The following COL14A1 variants were observed in gnomAD, a reference collection of about 807,000 sequenced individuals.
The protein encoded by COL14A1 is collagen type XIV alpha 1 chain.
Under a neutral mutation model 230.3 loss-of-function variants are expected in COL14A1, and 136 were observed. The observed-to-expected ratio is 0.59, with a 90% CI of 0.51 to 0.68. The LOEUF (loss-of-function observed/expected upper bound fraction) is 0.68. Among genes scored for constraint, COL14A1 ranks in the 30% least tolerant of loss-of-function variants. COL14A1 has a pLI of 0.00. For missense variants in COL14A1, 1,976 were observed against 2,215.8 expected, an observed-to-expected ratio of 0.89 and a Z score of 2.17; for synonymous variants, 792 against 784.1, an observed-to-expected ratio of 1.01 and a Z score of -0.17.
chr8:120,190,075 G>A (rs1400467733), intron 5 of COL14A1, among the ~76,000 whole-genome samples: 1 of 150,890 alleles, frequency 6.6e-6, no homozygotes, highest in Non-Finnish European at 1.5e-5. Context: ...CTTCCACAAT[G>A]GTTGAACTAG....
At chr8:120,282,747 A>G (rs1820076190) in intron 31 of COL14A1, among the ~76,000 whole-genome samples, 1 of 152,158 alleles carries the variant, frequency 6.6e-6, no homozygotes, top group African/African-American at 2.4e-5. Context: ...ATTAGTTGTT[A>G]GAAAGAGAGA....
chr8:120,354,540 A>G (rs920846418), intron 45 of COL14A1, among the ~76,000 whole-genome samples: 2 of 152,136 alleles, frequency 1.3e-5, no homozygotes, highest in Non-Finnish European at 2.9e-5. Context: ...TGTGATGTAC[A>G]TGGCTTTTCA....
At chr8:120,298,550 T>C (rs1820597968) in intron 35 of COL14A1, among the ~76,000 whole-genome samples, 2 of 143,778 alleles carry the variant, frequency 1.4e-5, no homozygotes, top group South Asian at 4.4e-4. Flanking sequence ...TTTATTCCTA[T>C]ATAAGCATAA....
intron 45 of COL14A1, among the ~76,000 whole-genome samples, chr8:120,357,112 C>G (rs1169270123): frequency 1.3e-5 from 2 of 152,186 alleles, no homozygotes; most frequent in Non-Finnish European, 2.9e-5. Context: ...TGGCTTAAAG[C>G]AACAAATATA....
intron 20 of COL14A1, among the ~76,000 whole-genome samples, chr8:120,246,644 A>G (rs1162689644): frequency 6.6e-6 from 1 of 152,222 alleles, no homozygotes; most frequent in Non-Finnish European, 1.5e-5. Flanking sequence ...TATTACAGAA[A>G]TGCCATTACG....
intron 5 of COL14A1, among the ~76,000 whole-genome samples, chr8:120,169,136 G>A (rs568552576): frequency 3.3e-5 from 5 of 152,256 alleles, no homozygotes; most frequent in South Asian, 2.1e-4. Flanking sequence ...GATTACAGGC[G>A]TGAGCCACTG....
intron 46 of COL14A1, among the ~76,000 whole-genome samples, chr8:120,368,623 A>C (rs1447759135): frequency 4.1e-5 from 6 of 146,912 alleles, no homozygotes; most frequent in Admixed American, 6.8e-5. Flanking sequence ...AAAAAAAAAA[A>C]CATGCTGACA....
chr8:120,333,410 G>A (rs563372874), intron 42 of COL14A1, among the ~76,000 whole-genome samples: 1 of 152,320 alleles, frequency 6.6e-6, no homozygotes, highest in South Asian at 2.1e-4. Flanking sequence ...CTGGTGACAT[G>A]CAAGTTGTTC....
chr8:120,272,512 A>G (rs761687301), intron 26 of COL14A1, among the ~76,000 whole-genome samples: 6 of 151,768 alleles, frequency 4.0e-5, no homozygotes, highest in Non-Finnish European at 8.9e-5. Flanking sequence ...GAATGGATAC[A>G]AAATCACAAA....
At chr8:120,291,299 C>A (rs565413444) in intron 34 of COL14A1, among the ~76,000 whole-genome samples, 20 of 152,124 alleles carry the variant, frequency 1.3e-4, no homozygotes, top group African/African-American at 4.8e-4. Context: ...CAGTGCCTCA[C>A]GCCTGTAATT....
Position 120,125,103 on chromosome 8 carries a change from C to T in COL14A1, c.-275C>T, listed in dbSNP as rs1005372360. The T allele has an allele frequency of 3.3e-5, 5 of 152,590 alleles. No homozygotes were observed. The highest frequency in any genetic ancestry group is 1.2e-4 in the African/African-American group (5 of 41,484). The allele number at this position is 152,590 out of a possible 1,614,324, so 9.5% of individuals were successfully genotyped here. Reference sequence around the variant, plus strand: ...TTGGCTGCCGGCGGGCCTTCCTTTCCTCTTATCTGATCCTGGGCTCCCAGC... The same window carrying T: ...TTGGCTGCCGGCGGGCCTTCCTTTCTTCTTATCTGATCCTGGGCTCCCAGC... On this transcript the variant is annotated 5_prime_UTR_variant, in exon 1 of 48. Coordinates refer to ENST00000297848, the MANE Select transcript of COL14A1 (RefSeq NM_021110.4).
intron 8 of COL14A1, among the ~76,000 whole-genome samples, chr8:120,201,359 G>T (rs570233795): frequency 6.6e-6 from 1 of 152,218 alleles, no homozygotes; most frequent in African/African-American, 2.4e-5. Flanking sequence ...GTTTGCAAGA[G>T]CCAATTGTGC....
intron 13 of COL14A1, 151 bp downstream of exon 13, chr8:120,212,728 A>G (rs952912508): frequency 2.4e-5 from 19 of 803,950 alleles, no homozygotes; most frequent in South Asian, 4.1e-5. Flanking sequence ...AAGGAAATGT[A>G]TTTCTTATAT....
Position 120,345,429 on chromosome 8 carries a change from C to T in COL14A1, c.4943C>T (p.Ser1648Phe), listed in dbSNP as rs1164225192. The change falls in exon 45 of 48, where the codon TCC (serine) becomes TTC (phenylalanine). Residue 1648 changes from serine to phenylalanine, a missense_variant. Physicochemically the swap from Ser to Phe is radical, Grantham distance 155. Coordinates refer to ENST00000297848, the MANE Select transcript of COL14A1 (RefSeq NM_021110.4). ...AACCAGATTCCCAGCCACTCCTCAT[C>T]CATCCGGACTGTCCAAGGGCCTCCT... The part of the protein sequence containing the change: ...ILNQIPSHSS[S>F]IRTVQGPPGE... The T allele has an allele frequency of 6.3e-7, 1 of 1,598,852 alleles. No homozygotes were observed. Among genetic ancestry groups the T allele is most frequent in the Admixed American group, 1.7e-5 (1 of 57,344 alleles).
chr8:120,248,500 A>G (rs1018698053), intron 21 of COL14A1, among the ~76,000 whole-genome samples: 2 of 152,166 alleles, frequency 1.3e-5, no homozygotes, highest in Admixed American at 1.3e-4. Flanking sequence ...CTGGGCCTGC[A>G]GTACTCTAGT....
At chr8:120,364,873 T>A (rs1174046010) in intron 45 of COL14A1, among the ~76,000 whole-genome samples, 2 of 150,380 alleles carry the variant, frequency 1.3e-5, no homozygotes, top group Non-Finnish European at 3.0e-5. Context: ...ACAGAGTGAG[T>A]GAGACTCTGT....
intron 1 of COL14A1, among the ~76,000 whole-genome samples, chr8:120,134,204 C>G (rs1814636764): frequency 6.6e-6 from 1 of 151,652 alleles, no homozygotes; most frequent in Non-Finnish European, 1.5e-5. Flanking sequence ...AACATGATCC[C>G]AATTTTGAGG....
At position 120,365,927 on chromosome 8, in the gene COL14A1, A is replaced by C. The variant is rs188758696; in HGVS notation, c.5078-1244A>C. On this transcript the variant is annotated intron_variant, in intron 45 of 47. Transcript: ENST00000297848. The stretch of plus-strand genomic sequence containing the variant: ...AGCTTTTTAAAAGAGATGCCAGGCT[A>C]TGTCTTGACTGCAAGAGATCATTAC... Among the ~76,000 whole-genome samples, 4 of 152,332 alleles carry C rather than the reference A, an allele frequency of 2.6e-5. No individual in the cohort carries two copies. In the East Asian group the frequency reaches 7.7e-4, roughly 29 times the overall value.
At chr8:120,147,539 T>C (rs1563635237) in intron 1 of COL14A1, among the ~76,000 whole-genome samples, 1 of 152,234 alleles carries the variant, frequency 6.6e-6, no homozygotes, top group Non-Finnish European at 1.5e-5. Flanking sequence ...GGAAATTCAC[T>C]ATGCAATTTA....
Sources: gnomAD v4.1 joint callset for allele counts (sites outside exome capture counted in the v4.1 genomes callset) on GRCh38, gnomAD v4.1.1 for gene constraint, MANE v1.5 for transcripts, NCBI Gene and HGNC (gene_info 2026-07-23, HGNC 2026-07-21) for gene names.